The following IPO11 variants were observed in gnomAD, a reference collection of about 807,000 sequenced individuals.
IPO11 encodes the protein importin 11, also known as importin-11.
Under a neutral mutation model 143.2 loss-of-function variants are expected in IPO11, and 66 were observed. The ratio of observed to expected loss-of-function variants is 0.46; its 90% CI spans 0.38 to 0.57. The LOEUF (loss-of-function observed/expected upper bound fraction) is 0.57. Among genes scored for constraint, IPO11 ranks in the 20% least tolerant of loss-of-function variants. IPO11 has a pLI of 0.00. For missense variants in IPO11, 1,026 were observed against 1,141.0 expected (o/e 0.90, Z 1.45); for synonymous variants, 385 against 377.8 (o/e 1.02, Z -0.22).
chr5:62,571,567 TAAC>T (rs1744131572), intron 27 of IPO11, among the ~76,000 whole-genome samples: 1 of 152,298 alleles, frequency 6.6e-6, no homozygotes, highest in East Asian at 1.9e-4. Flanking sequence ...AAGAAACTGA[TAAC>T]AAGAAGTAAA....
chr5:62,424,760 T>G (rs148002315), intron 1 of IPO11, among the ~76,000 whole-genome samples: 5 of 152,258 alleles, frequency 3.3e-5, no homozygotes, highest in African/African-American at 1.2e-4. Flanking sequence ...TGTTCTTATC[T>G]TAAATGTGGA....
chr5:62,456,864 C>T (rs942809808), intron 5 of IPO11, among the ~76,000 whole-genome samples: 34 of 151,980 alleles, frequency 2.2e-4, no homozygotes, highest in Non-Finnish European at 5.9e-5. Flanking sequence ...GAGGCTGAGG[C>T]GGGTGGATCA....
intron 3 of IPO11, among the ~76,000 whole-genome samples, chr5:62,447,897 TAG>T (rs1227922927): frequency 6.6e-6 from 1 of 152,124 alleles, no homozygotes; most frequent in Admixed American, 6.6e-5. Flanking sequence ...GTATTTTTAG[TAG>T]AGACAGGGTT....
chr5:62,561,082 C>A, intron 26 of IPO11, 54 bp from the exon 27 acceptor site: 2 of 1,491,314 alleles, frequency 1.3e-6, no homozygotes, highest in Non-Finnish European at 1.8e-6. Flanking sequence ...AAGTATTTAC[C>A]CACAAGTAAA....
intron 29 of IPO11, among the ~76,000 whole-genome samples, chr5:62,620,539 AAT>A (rs1357350621): frequency 5.3e-5 from 8 of 150,760 alleles, no homozygotes; most frequent in African/African-American, 1.7e-4. Flanking sequence ...AAAAAAAAAA[AAT>A]ACATTGGTCC....
chr5:62,475,487 G>A (rs1309200204), intron 8 of IPO11, among the ~76,000 whole-genome samples: 1 of 152,046 alleles, frequency 6.6e-6, no homozygotes, highest in Non-Finnish European at 1.5e-5. Context: ...CTTCAACCTG[G>A]GTGACAGAAC....
chr5:62,476,874 C>T (rs1745978114), intron 9 of IPO11, 121 bp downstream of exon 9: 2 of 1,081,266 alleles, frequency 1.8e-6, no homozygotes, highest in Non-Finnish European at 1.2e-6. Context: ...TGTTCTGACT[C>T]CTTATAGGAA....
rs1744853432 is a variant in IPO11 at position 62,449,959 on chromosome 5, G to A, written c.272G>A (p.Arg91His). 1.9e-6 allele frequency: 3 copies of A among 1,598,440 alleles called. No individual in the cohort carries two copies. Among genetic ancestry groups the A allele is most frequent in the Non-Finnish European group, 2.6e-6 (3 of 1,173,904 alleles). ...TCAGAGGAGGAGAAAACTACTCTGC[G>A]TGCAGGGCTCATCACCAACTTCAAT... ...ALSEEEKTTL[R>H]AGLITNFNEP... Residue 91 changes from arginine (R) to histidine (H), a missense_variant, in exon 4 of 30, where the codon CGT becomes CAT. Physicochemically the swap from Arg to His is conservative, Grantham distance 29 (BLOSUM62 0). This residue lies in a region of IPO11 where 429 missense variants were observed against 456.3 expected (regional missense o/e 0.94). Coordinates refer to ENST00000325324, the MANE Select transcript of IPO11 (RefSeq NM_016338.5).
intron 28 of IPO11, among the ~76,000 whole-genome samples, chr5:62,598,540 CTTTCTTTTCTTTCTTTTTTTTTTT>C (rs1450611022): frequency 6.0e-5 from 1 of 16,738 alleles, no homozygotes; most frequent in Admixed American, 8.3e-4. Flanking sequence ...TCTTTCTTTT[CTTTCTTTTCTTTCTTTTTTTTTTT>C]TATGGAGTCT....
At chr5:62,611,860 TGTA>T (rs1745938160) in intron 29 of IPO11, among the ~76,000 whole-genome samples, 1 of 152,162 alleles carries the variant, frequency 6.6e-6, no homozygotes, top group Admixed American at 6.5e-5. Context: ...CTCAATAAAT[TGTA>T]GTACTTACTG....
chr5:62,509,885 G>A (rs1043106186), intron 19 of IPO11, among the ~76,000 whole-genome samples: 5 of 152,200 alleles, frequency 3.3e-5, no homozygotes, highest in South Asian at 4.1e-4. Flanking sequence ...TTGGGATCCT[G>A]ATTTCAGTTC....
chr5:62,466,514 C>T (rs541257023), intron 5 of IPO11, among the ~76,000 whole-genome samples: 28 of 152,056 alleles, frequency 1.8e-4, no homozygotes, highest in Admixed American at 1.6e-3. Flanking sequence ...TGGATTGCTC[C>T]GAGAACTCCT....
At chr5:62,456,193 G>T (rs143093665) in intron 5 of IPO11, among the ~76,000 whole-genome samples, 2 of 152,026 alleles carry the variant, frequency 1.3e-5, no homozygotes, top group African/African-American at 2.4e-5. Context: ...TGTGTTTTTG[G>T]TAGAGATGGG....
chr5:62,623,423 CA>C (rs1477296191), intron 29 of IPO11, among the ~76,000 whole-genome samples: 9 of 152,068 alleles, frequency 5.9e-5, no homozygotes, highest in African/African-American at 2.2e-4. Flanking sequence ...TAGCAAAATT[CA>C]ATAGGAAATT....
intron 5 of IPO11, among the ~76,000 whole-genome samples, chr5:62,458,146 C>CAA (rs58357821): frequency 0.12 from 7,517 of 63,066 alleles, 330 homozygotes; most frequent in East Asian, 0.23. Context: ...GACTCTGTCT[C>CAA]AAAAAAAAAA....
chr5:62,461,185 A>G (rs1745345450), intron 5 of IPO11, among the ~76,000 whole-genome samples: 1 of 152,148 alleles, frequency 6.6e-6, no homozygotes, highest in Admixed American at 6.5e-5. Flanking sequence ...AATACAAGGA[A>G]AAGTGGGAAT....
At chr5:62,508,526 CCTTT>C (rs1016484023) in intron 19 of IPO11, among the ~76,000 whole-genome samples, 3 of 151,606 alleles carry the variant, frequency 2.0e-5, no homozygotes, top group East Asian at 1.9e-4. Context: ...CTTCTTTCTT[CCTTT>C]GTCTTCCTTC....
intron 3 of IPO11, among the ~76,000 whole-genome samples, chr5:62,446,175 G>C (rs1317206111): frequency 2.0e-5 from 3 of 152,228 alleles, no homozygotes; most frequent in African/African-American, 7.2e-5. Context: ...TCTTTGAAGT[G>C]TAATGTATAA....
chr5:62,548,027 C>T (rs986917817), intron 24 of IPO11, among the ~76,000 whole-genome samples: 7 of 151,102 alleles, frequency 4.6e-5, no homozygotes, highest in African/African-American at 1.7e-4. Flanking sequence ...TAAATAACAC[C>T]CCTGTGTTGT....
Sources: gnomAD v4.1 joint callset for allele counts (sites outside exome capture counted in the v4.1 genomes callset) on GRCh38, gnomAD v4.1.1 for gene constraint, gnomAD v4.1.1 regional missense constraint, MANE v1.5 for transcripts, NCBI Gene and HGNC (gene_info 2026-07-23, HGNC 2026-07-21) for gene names.